TMEM181: variants seen among roughly 807,000 people sequenced by gnomAD.
TMEM181 encodes the protein G protein-coupled receptor 178.
TMEM181 carries 39 observed loss-of-function variants against 71.9 expected under a neutral mutation model. The observed-to-expected ratio is 0.54, with a 90% confidence interval of 0.42 to 0.71. TMEM181 has a LOEUF of 0.71. TMEM181 is among the 30% of genes least tolerant of loss of function. TMEM181 has a pLI of 0.00. For synonymous variants in TMEM181, 245 were observed against 228.8 expected (o/e 1.07, Z -0.64); for missense variants, 595 against 583.0 (o/e 1.02, Z -0.21).
chr6:158,553,545 A>C (rs1781782709), intron 1 of TMEM181, among the ~76,000 whole-genome samples: 1 of 152,234 alleles, frequency 6.6e-6, no homozygotes, highest in Non-Finnish European at 1.5e-5. Context: ...CTTATCAAAG[A>C]GTTGTACAAA....
chr6:158,563,895 C>T (rs1048612533), intron 1 of TMEM181, among the ~76,000 whole-genome samples: 1 of 152,202 alleles, frequency 6.6e-6, no homozygotes, highest in Admixed American at 6.5e-5. Context: ...AATTCTCCTG[C>T]CTCAGCCTCC....
At position 158,554,100 on chromosome 6, in the gene TMEM181, T is replaced by A. The variant is rs113201068; in HGVS notation, c.131+17235T>A. ...TTTTTTATTTTATTTTATTTTATTTTTTGAGATGGAGTTTCGCTTTTGTTG... is the reference window on the plus strand; with the variant it reads ...TTTTTTATTTTATTTTATTTTATTTATTGAGATGGAGTTTCGCTTTTGTTG... On this transcript the variant is annotated intron_variant, in intron 1 of 16. Transcript: ENST00000367090. 4.2e-3 allele frequency among the ~76,000 whole-genome samples: 642 copies of A among 151,816 alleles called. 3 individuals are homozygous for A. Among genetic ancestry groups the A allele is most frequent in the African/African-American group, 0.015 (607 of 41,344 alleles).
chr6:158,624,402 C>T (rs2128328055), intron 11 of TMEM181, among the ~76,000 whole-genome samples: 1 of 152,334 alleles, frequency 6.6e-6, no homozygotes, highest in Admixed American at 6.5e-5. Flanking sequence ...AAGAGGGGAG[C>T]TCTGGCGCTG....
intron 2 of TMEM181, 43 bp from the exon 3 acceptor site, chr6:158,580,897 A>G (rs199637409): frequency 5.3e-5 from 82 of 1,540,526 alleles, no homozygotes; most frequent in Non-Finnish European, 7.1e-5. Flanking sequence ...TAAATTATCA[A>G]TATTGCTATA....
chr6:158,604,570 A>G (rs773558272), intron 6 of TMEM181, among the ~76,000 whole-genome samples: 7 of 152,178 alleles, frequency 4.6e-5, no homozygotes, highest in Non-Finnish European at 1.0e-4. Flanking sequence ...CGGCTCCATC[A>G]GTGCACACTT....
exon 1 of TMEM181, chr6:158,536,674 G>C: frequency 6.6e-7 from 1 of 1,518,476 alleles, no homozygotes; most frequent in South Asian, 1.2e-5. Flanking sequence ...AGAAGAGAGG[G>C]GGCGCAGGCG....
rs953183176 is a variant in TMEM181, at chr6:158,623,473, AAGTC to A, written c.897-75_897-72del. 28 of 1,065,970 alleles carry A rather than the reference AAGTC, an allele frequency of 2.6e-5. 1 individual carries two copies. The Admixed American group carries it at 7.1e-4, about 27-fold the overall frequency. The allele number at this position is 1,065,970 out of a possible 1,614,324, so 66.0% of individuals were successfully genotyped here. ...TATATTAATAAGTAAAAAAAACAAAAAGTCAATAAGAAAAAATGTAAAATAAAAA... is the reference window on the plus strand; with the variant it reads ...TATATTAATAAGTAAAAAAAACAAAAAATAAGAAAAAATGTAAAATAAAAA... On this transcript the variant is annotated intron_variant, in intron 10 of 16. Coordinates refer to ENST00000684151, the MANE Select transcript of TMEM181 (RefSeq NM_001376852.1).
chr6:158,624,032 G>C (rs753980250), intron 11 of TMEM181, among the ~76,000 whole-genome samples: 1 of 152,212 alleles, frequency 6.6e-6, no homozygotes, highest in Non-Finnish European at 1.5e-5. Context: ...AAAGTGCTGG[G>C]ATTACAGGCG....
At chr6:158,617,160 A>C (rs538008929) in intron 10 of TMEM181, among the ~76,000 whole-genome samples, 1 of 152,104 alleles carries the variant, frequency 6.6e-6, no homozygotes, top group East Asian at 1.9e-4. Context: ...TCAATTTCAG[A>C]GCCTGTTATT....
rs184374901 is a variant in TMEM181, at chr6:158,608,840, G to C, written c.896+90G>C. The C allele has an allele frequency of 2.0e-5, 24 of 1,216,432 alleles. No individual in the cohort carries two copies. The Admixed American group carries it at 3.8e-4, about 19-fold the overall frequency. 75.4% of individuals were successfully genotyped at this position (1,216,432 alleles called of 1,614,324 possible). A position where few individuals can be genotyped will look rare whatever the true frequency, so the allele number is the denominator to read the frequency against. On this transcript the variant is annotated intron_variant, in intron 10 of 16. Coordinates refer to ENST00000684151, the MANE Select transcript of TMEM181 (RefSeq NM_001376852.1). Reference sequence around the variant, plus strand: ...AGGCCAGGCGTAGTGGCTCACGCCTGTAATCCCAGCACTTTGACAGGCTGA... The same window carrying C: ...AGGCCAGGCGTAGTGGCTCACGCCTCTAATCCCAGCACTTTGACAGGCTGA...
At chr6:158,597,042 G>A (rs961444597) in intron 6 of TMEM181, among the ~76,000 whole-genome samples, 1 of 152,190 alleles carries the variant, frequency 6.6e-6, no homozygotes, top group African/African-American at 2.4e-5. Context: ...TCTGTTTTCA[G>A]TGGAAGGTGT....
chr6:158,602,284 C>A (rs1044867151), intron 6 of TMEM181, among the ~76,000 whole-genome samples: 2 of 152,202 alleles, frequency 1.3e-5, no homozygotes, highest in African/African-American at 4.8e-5. Flanking sequence ...TTTATTCATT[C>A]ACCTGTTGAT....
chr6:158,549,907 G>A (rs1032967972), intron 1 of TMEM181, among the ~76,000 whole-genome samples: 1 of 147,908 alleles, frequency 6.8e-6, no homozygotes, highest in Admixed American at 6.8e-5. Flanking sequence ...ATGCGTAAGT[G>A]CATAAGACTC....
intron 7 of TMEM181, among the ~76,000 whole-genome samples, chr6:158,606,433 T>G (rs1036216405): frequency 6.6e-6 from 1 of 152,184 alleles, no homozygotes; most frequent in Non-Finnish European, 1.5e-5. Context: ...TCTCAAAGGC[T>G]CTCTGATGCC....
At chr6:158,552,685 A>G (rs1381780661) in intron 1 of TMEM181, among the ~76,000 whole-genome samples, 4 of 152,236 alleles carry the variant, frequency 2.6e-5, no homozygotes, top group African/African-American at 9.6e-5. Context: ...TCTCAGCCTT[A>G]TCAGGGAAGA....
At chr6:158,580,859 G>A (rs1783429687) in intron 2 of TMEM181, 81 bp from the exon 3 acceptor site, 1 of 1,317,858 alleles carries the variant, frequency 7.6e-7, no homozygotes, top group Non-Finnish European at 1.1e-6. Flanking sequence ...TAATGTGTGA[G>A]TCTTTCTTGG....
At chr6:158,629,030 T>C (rs910238546) in intron 14 of TMEM181, among the ~76,000 whole-genome samples, 1 of 152,210 alleles carries the variant, frequency 6.6e-6, no homozygotes, top group Non-Finnish European at 1.5e-5. Context: ...CAGAAAATAC[T>C]GGGACCCCCT....
chr6:158,611,406 A>G, intron 10 of TMEM181: 1 of 539,072 alleles, frequency 1.9e-6, no homozygotes, highest in Non-Finnish European at 3.8e-6. Flanking sequence ...CTCCAGGTAG[A>G]TCATTGTGGA....
chr6:158,599,131 T>A (rs1726314608), intron 6 of TMEM181, among the ~76,000 whole-genome samples: 1 of 152,350 alleles, frequency 6.6e-6, no homozygotes, highest in South Asian at 2.1e-4. Context: ...ACGTTTGTTC[T>A]GTGCCAAAGA....
Sources: gnomAD v4.1 joint callset for allele counts (sites outside exome capture counted in the v4.1 genomes callset) on GRCh38, gnomAD v4.1.1 for gene constraint, MANE v1.5 for transcripts, NCBI Gene and HGNC (gene_info 2026-07-23, HGNC 2026-07-21) for gene names.